The following NXPH1 variants were observed in gnomAD, a reference collection of about 807,000 sequenced individuals.
NXPH1 encodes neurexophilin-1.
In NXPH1, 5 loss-of-function variants were observed where a neutral mutation model predicts 23.7. That is an observed-to-expected ratio of 0.21 (90% CI 0.11 to 0.44). The LOEUF (loss-of-function observed/expected upper bound fraction) is 0.44, where lower values mean the gene tolerates loss of function less well. NXPH1 is among the 20% of genes least tolerant of loss of function. The pLI is 0.99. For missense variants in NXPH1, 324 were observed against 321.6 expected (o/e 1.01, Z -0.06); for synonymous variants, 144 against 122.2 (o/e 1.18, Z -1.18).
chr7:8,442,991 C>A lies in NXPH1; in HGVS notation c.54+7224C>A, dbSNP rs919666192. ...AGCGACTCTTCAGCACCACGGCCAG[C>A]GCCACAGGCTCCGCCCCGCCTGGTG... On this transcript the variant is annotated intron_variant, in intron 2 of 2. Transcript: ENST00000405863. The surrounding 1 kb of genome is among the most constrained non-coding windows in gnomAD (Gnocchi z 4.6). Among the ~76,000 whole-genome samples the A allele has an allele frequency of 5.9e-5, 9 of 152,208 alleles. No individual in the cohort carries two copies. Among genetic ancestry groups the A allele is most frequent in the African/African-American group, 7.2e-5 (3 of 41,460 alleles).
chr7:8,661,767 A>C (rs894403870), intron 2 of NXPH1, among the ~76,000 whole-genome samples: 1 of 152,166 alleles, frequency 6.6e-6, no homozygotes, highest in African/African-American at 2.4e-5. Flanking sequence ...GGTAGTACTC[A>C]GTTTTTAACT....
intron 2 of NXPH1, among the ~76,000 whole-genome samples, chr7:8,655,467 C>G (rs898545580): frequency 2.2e-5 from 3 of 134,080 alleles, no homozygotes; most frequent in African/African-American, 8.1e-5. Flanking sequence ...CACACACACA[C>G]ACACACACAC....
At chr7:8,612,326 G>T (rs769342407) in intron 2 of NXPH1, among the ~76,000 whole-genome samples, 4 of 150,418 alleles carry the variant, frequency 2.7e-5, no homozygotes, top group African/African-American at 7.3e-5. Flanking sequence ...TAATCAAGCA[G>T]CTCAGGGAAT....
intron 2 of NXPH1, among the ~76,000 whole-genome samples, chr7:8,576,814 T>C (rs1378537149): frequency 6.6e-6 from 1 of 152,174 alleles, no homozygotes; most frequent in African/African-American, 2.4e-5. Flanking sequence ...GCTTTTCTCT[T>C]GAGTTCATTA....
At chr7:8,698,951 A>C (rs147575378) in intron 2 of NXPH1, among the ~76,000 whole-genome samples, 29 of 152,280 alleles carry the variant, frequency 1.9e-4, no homozygotes, top group Admixed American at 4.6e-4. Flanking sequence ...TATTCATTGT[A>C]GTAGAGTATG....
At chr7:8,706,090 A>T (rs1779701207) in intron 2 of NXPH1, among the ~76,000 whole-genome samples, 1 of 152,140 alleles carries the variant, frequency 6.6e-6, no homozygotes, top group Non-Finnish European at 1.5e-5. Flanking sequence ...AAACCCTTAT[A>T]GGAGAATTAG....
chr7:8,603,420 G>GTT (rs113680629), intron 2 of NXPH1, among the ~76,000 whole-genome samples: 3,686 of 151,922 alleles, frequency 0.024, 83 homozygotes, highest in Middle Eastern at 0.072. Context: ...TTTTGTTTTT[G>GTT]TTTTTTTGCT....
chr7:8,489,123 C>G lies in NXPH1; in HGVS notation c.54+53356C>G, dbSNP rs193034327. 4.6e-5 allele frequency among the ~76,000 whole-genome samples: 7 copies of G among 152,172 alleles called. No individual in the cohort carries two copies. The East Asian group carries it at 9.7e-4, about 21-fold the overall frequency. On this transcript the variant is annotated intron_variant, in intron 2 of 2. Coordinates refer to ENST00000405863, the MANE Select transcript of NXPH1 (RefSeq NM_152745.3). Reference sequence around the variant, plus strand: ...GTCCAAGAGAATTTCATGTGATTGGCTGTTTCGTTGTCAGGGCTGTGACGG... The same window carrying G: ...GTCCAAGAGAATTTCATGTGATTGGGTGTTTCGTTGTCAGGGCTGTGACGG...
chr7:8,589,448 G>C (rs1351374140), intron 2 of NXPH1, among the ~76,000 whole-genome samples: 2 of 152,080 alleles, frequency 1.3e-5, no homozygotes, highest in African/African-American at 4.8e-5. Flanking sequence ...GAAGATAGCT[G>C]AGAACTATGT....
chr7:8,450,448 C>T (rs184324810), intron 2 of NXPH1, among the ~76,000 whole-genome samples: 33 of 152,346 alleles, frequency 2.2e-4, no homozygotes, highest in Non-Finnish European at 1.5e-5. Context: ...TCTTTCATTG[C>T]ATTCTGCATG....
chr7:8,592,035 G>A (rs1400393082), intron 2 of NXPH1, among the ~76,000 whole-genome samples: 1 of 151,804 alleles, frequency 6.6e-6, no homozygotes, highest in Non-Finnish European at 1.5e-5. Context: ...CTCTTCTCTT[G>A]GAGTTAAGGG....
chr7:8,506,655 T>G (rs531693762), intron 2 of NXPH1, among the ~76,000 whole-genome samples: 1 of 152,130 alleles, frequency 6.6e-6, no homozygotes, highest in East Asian at 1.9e-4. Flanking sequence ...GGATCCTGTT[T>G]AAGGAAGTCA....
chr7:8,658,078 C>G (rs1167740115), intron 2 of NXPH1, among the ~76,000 whole-genome samples: 1 of 152,152 alleles, frequency 6.6e-6, no homozygotes. Context: ...GAAGGAAGGA[C>G]AAATTCAGTG....
intron 2 of NXPH1, among the ~76,000 whole-genome samples, chr7:8,510,235 A>C (rs1331084306): frequency 6.6e-6 from 1 of 152,176 alleles, no homozygotes; most frequent in Non-Finnish European, 1.5e-5. Flanking sequence ...CAACATTGAA[A>C]TGACTGTTTA....
At chr7:8,473,185 A>C (rs957619658) in intron 2 of NXPH1, among the ~76,000 whole-genome samples, 13 of 152,144 alleles carry the variant, frequency 8.5e-5, no homozygotes, top group African/African-American at 2.9e-4. Flanking sequence ...TAATTCTTCA[A>C]TGTAGGGAAA....
At chr7:8,548,937 T>A (rs1818235765) in intron 2 of NXPH1, among the ~76,000 whole-genome samples, 1 of 151,566 alleles carries the variant, frequency 6.6e-6, no homozygotes. Flanking sequence ...GTAGTTAAGA[T>A]TCATAAAATT....
At chr7:8,457,648 C>T (rs952745510) in intron 2 of NXPH1, among the ~76,000 whole-genome samples, 4 of 151,640 alleles carry the variant, frequency 2.6e-5, no homozygotes, top group South Asian at 2.1e-4. Flanking sequence ...CTGGCATTCT[C>T]CCATTGTTCA....
intron 2 of NXPH1, among the ~76,000 whole-genome samples, chr7:8,673,542 T>C (rs1820901043): frequency 6.6e-6 from 1 of 152,188 alleles, no homozygotes; most frequent in South Asian, 2.1e-4. Flanking sequence ...GTGCTGGGTT[T>C]GTATTCCAAC....
In NXPH1 at chr7:8,583,035, A is replaced by C. The variant is rs111359690; in HGVS notation, c.54+147268A>C. ...CAAGGGGGCAGGTGGCTGGCATGTC[A>C]GCACCACCCTGAGTGTGCATACACT... On this transcript the variant is annotated intron_variant, in intron 2 of 2. Transcript: ENST00000405863. Among the ~76,000 whole-genome samples, 1,214 of 152,140 alleles carry C rather than the reference A, an allele frequency of 8.0e-3. 18 individuals are homozygous for C. Among genetic ancestry groups the C allele is most frequent in the African/African-American group, 0.028 (1,151 of 41,382 alleles).
Sources: allele counts gnomAD v4.1 joint callset (sites outside exome capture counted in the v4.1 genomes callset), GRCh38; gene constraint gnomAD v4.1.1; non-coding constraint Gnocchi (gnomAD v3.1); transcripts MANE v1.5; gene names NCBI Gene and HGNC (gene_info 2026-07-23, HGNC 2026-07-21).